The following PDE2A variants were observed in gnomAD, a reference collection of about 807,000 sequenced individuals.
PDE2A encodes the protein phosphodiesterase 2A, also known as cGMP-dependent 3',5'-cyclic phosphodiesterase.
In PDE2A, 53 loss-of-function variants were observed where a neutral mutation model predicts 133.6. The ratio of observed to expected loss-of-function variants is 0.40; its 90% CI spans 0.32 to 0.50. The LOEUF is 0.50. Ranked by LOEUF, PDE2A falls within the 20% of genes least tolerant of loss-of-function variation. The pLI is 0.73. For synonymous variants in PDE2A, 491 were observed against 490.2 expected, an observed-to-expected ratio of 1.00 and a Z score of -0.02; for missense variants, 796 against 1,232.4, an observed-to-expected ratio of 0.65 and a Z score of 5.30.
At chr11:72,592,106 C>T (rs549754370) in intron 6 of PDE2A, among the ~76,000 whole-genome samples, 33 of 152,312 alleles carry the variant, frequency 2.2e-4, no homozygotes, top group African/African-American at 7.9e-4. Context: ...GGGAACTCAG[C>T]CCATCTTTCA....
chr11:72,638,687 C>CCTG (rs3837412), intron 2 of PDE2A, among the ~76,000 whole-genome samples: 87,023 of 151,802 alleles, frequency 0.57, 25,956 homozygotes, highest in Middle Eastern at 0.77. Flanking sequence ...CATGAGTTAA[C>CCTG]CTGCTAAATG....
chr11:72,625,370 C>A (rs1858006531), intron 2 of PDE2A, among the ~76,000 whole-genome samples: 1 of 152,218 alleles, frequency 6.6e-6, no homozygotes, highest in Admixed American at 6.5e-5. Context: ...GGCTCCAGGG[C>A]AGCCTGCACA....
At position 72,577,319 on chromosome 11, in the gene PDE2A, C is replaced by T; in HGVS notation, c.*65G>A. 7.7e-7 allele frequency: 1 copy of T among 1,290,868 alleles called. No homozygotes were observed. Among genetic ancestry groups the T allele is most frequent in the Non-Finnish European group, 1.1e-6 (1 of 907,924 alleles). The allele number at this position is 1,290,868 out of a possible 1,614,324, so 80.0% of individuals were successfully genotyped here. A position where few individuals can be genotyped will look rare whatever the true frequency, so the allele number is the denominator to read the frequency against. ...AGGACCCGTGGCTCTGTTCCCAGTGCATCTGGCCAGACCAGTGGAGGGCTG... is the reference window on the plus strand; with the variant it reads ...AGGACCCGTGGCTCTGTTCCCAGTGTATCTGGCCAGACCAGTGGAGGGCTG... On this transcript the variant is annotated 3_prime_UTR_variant, in exon 31 of 31. Transcript: ENST00000334456.
chr11:72,657,708 A>T, intron 1 of PDE2A: 1 of 441,412 alleles, frequency 2.3e-6, no homozygotes, highest in Non-Finnish European at 4.5e-6. Flanking sequence ...CAGCCACTGG[A>T]CATAGGCGTC....
chr11:72,588,189 C>T (rs544800761), intron 13 of PDE2A, among the ~76,000 whole-genome samples: 3 of 152,148 alleles, frequency 2.0e-5, no homozygotes, highest in African/African-American at 7.2e-5. Flanking sequence ...AATTCAGGCA[C>T]CTACTGCCTG....
intron 2 of PDE2A, among the ~76,000 whole-genome samples, chr11:72,609,715 T>G (rs1267615922): frequency 6.6e-6 from 1 of 152,206 alleles, no homozygotes; most frequent in African/African-American, 2.4e-5. Context: ...CCACCAGCCA[T>G]GCCCTCCCGC....
At chr11:72,644,953 C>T (rs573342567) in intron 1 of PDE2A, among the ~76,000 whole-genome samples, 3 of 152,064 alleles carry the variant, frequency 2.0e-5, no homozygotes, top group Non-Finnish European at 2.9e-5. Context: ...GATGGGATTT[C>T]GCCATGTTGG....
rs2135285939 is a variant in PDE2A at position 72,584,588 on chromosome 11, G to C, written c.1500C>G (p.Arg500=). Residue 500 remains arginine (R), a synonymous_variant, in exon 18 of 31, where the codon CGC becomes CGG. Transcript: ENST00000334456. The part of the protein sequence containing the change: ...GVDDSTGFRT[R]NILCFPIKNE... ...TCTTGATGGGGAAGCAGAGGATGTT[G>C]CGCGTGCGGAAGCCGGTGCTGTCGT... 6.2e-7 allele frequency: 1 copy of C among 1,612,386 alleles called. No homozygotes were observed. Among genetic ancestry groups the C allele is most frequent in the Non-Finnish European group, 8.5e-7 (1 of 1,179,952 alleles).
At chr11:72,624,818 C>T (rs1857973211) in intron 2 of PDE2A, among the ~76,000 whole-genome samples, 1 of 152,216 alleles carries the variant, frequency 6.6e-6, no homozygotes, top group Non-Finnish European at 1.5e-5. Flanking sequence ...CAGCCAGTGT[C>T]ACATACTCAG....
intron 1 of PDE2A, among the ~76,000 whole-genome samples, chr11:72,669,654 G>T (rs920235039): frequency 6.6e-6 from 1 of 152,156 alleles, no homozygotes; most frequent in African/African-American, 2.4e-5. Context: ...CGGCTGTCCT[G>T]GAGGCTGGGG....
At chr11:72,618,807 A>G (rs753819342) in intron 2 of PDE2A, among the ~76,000 whole-genome samples, 1 of 148,382 alleles carries the variant, frequency 6.7e-6, no homozygotes, top group Non-Finnish European at 1.5e-5. Flanking sequence ...CTGCCTCATT[A>G]CACAGGGTCC....
At position 72,584,196 on chromosome 11, in the gene PDE2A, C is replaced by T; in HGVS notation, c.1650+5G>A. ...CCCACACCCCACTCCCAACCCCGCC[C>T]TCACATGGGCGATGCTGATGCCGCA... is the stretch of plus-strand genomic sequence containing the variant. On this transcript the variant is annotated splice_donor_5th_base_variant and intron_variant, in intron 19 of 30. Transcript: ENST00000334456. 2 of 1,548,008 alleles carry T rather than the reference C, an allele frequency of 1.3e-6. No individual in the cohort carries two copies. Among genetic ancestry groups the T allele is most frequent in the Non-Finnish European group, 8.9e-7 (1 of 1,121,194 alleles).
intron 7 of PDE2A, chr11:72,591,012 T>G: frequency 2.3e-6 from 1 of 443,628 alleles, no homozygotes; most frequent in Non-Finnish European, 4.0e-6. Flanking sequence ...CATAAATCCA[T>G]CAAAAAGTCG....
At chr11:72,653,460 G>T (rs1480210543) in intron 1 of PDE2A, among the ~76,000 whole-genome samples, 1 of 152,152 alleles carries the variant, frequency 6.6e-6, no homozygotes, top group African/African-American at 2.4e-5. Context: ...CTGATTCCCA[G>T]CGAGGCTCCA....
intron 6 of PDE2A, 66 bp downstream of exon 6, chr11:72,596,527 G>C: frequency 2.9e-6 from 2 of 679,208 alleles, no homozygotes; most frequent in South Asian, 2.9e-5. Flanking sequence ...CCCTGGACAG[G>C]CTCCATCCAC....
In PDE2A at chr11:72,584,186, C is replaced by A; in HGVS notation, c.1650+15G>T. 1.4e-6 allele frequency: 2 copies of A among 1,441,920 alleles called. No individual in the cohort carries two copies. The highest frequency in any genetic ancestry group is 1.2e-5 in the South Asian group (1 of 86,198). 89.3% of individuals were successfully genotyped at this position (1,441,920 alleles called of 1,614,324 possible). On this transcript the variant is annotated intron_variant, in intron 19 of 30. Transcript: ENST00000334456. The stretch of plus-strand genomic sequence containing the variant: ...CCCCTATCACCCCACACCCCACTCC[C>A]AACCCCGCCCTCACATGGGCGATGC...
intron 2 of PDE2A, chr11:72,636,120 C>G: frequency 8.2e-7 from 1 of 1,222,644 alleles, no homozygotes; most frequent in Non-Finnish European, 1.1e-6. Context: ...CCTGAAGCCA[C>G]CAGCCAGAGT....
intron 1 of PDE2A, among the ~76,000 whole-genome samples, chr11:72,657,019 C>T (rs899512233): frequency 4.6e-5 from 7 of 152,174 alleles, no homozygotes; most frequent in Admixed American, 3.3e-4. Flanking sequence ...ACACTTAGGC[C>T]ACTCTGAACA....
In PDE2A at chr11:72,597,466, C is replaced by T; in HGVS notation, c.433+44G>A. On this transcript the variant is annotated intron_variant, in intron 5 of 30. Coordinates refer to ENST00000334456, the MANE Select transcript of PDE2A (RefSeq NM_002599.5). This position sits in a 1 kb window ranked among gnomAD's most constrained non-coding sequence, Gnocchi z 4.6. ...ACCTGGAGTGCAGGGGCCACAGTCCCTCCCTGCCCCTGCCCCTGCCCCTGC... is the reference window on the plus strand; with the variant it reads ...ACCTGGAGTGCAGGGGCCACAGTCCTTCCCTGCCCCTGCCCCTGCCCCTGC... The T allele has an allele frequency of 9.3e-7, 1 of 1,071,272 alleles. No individual in the cohort carries two copies. Among genetic ancestry groups the T allele is most frequent in the East Asian group, 2.5e-5 (1 of 39,574 alleles). 66.4% of individuals were successfully genotyped at this position (1,071,272 alleles called of 1,614,324 possible). A position where few individuals can be genotyped will look rare whatever the true frequency, so the allele number is the denominator to read the frequency against.
Sources: allele counts gnomAD v4.1 joint callset (sites outside exome capture counted in the v4.1 genomes callset), GRCh38; gene constraint gnomAD v4.1.1; non-coding constraint Gnocchi (gnomAD v3.1); transcripts MANE v1.5; gene names NCBI Gene and HGNC (gene_info 2026-07-23, HGNC 2026-07-21).